RCAN1: variants seen among roughly 807,000 people sequenced by gnomAD.
RCAN1 encodes the protein regulator of calcineurin 1.
In RCAN1, 11 loss-of-function variants were observed where a neutral mutation model predicts 22.9. The observed-to-expected ratio is 0.48, with a 90% CI of 0.30 to 0.79. The LOEUF (loss-of-function observed/expected upper bound fraction) is 0.79, where lower values mean the gene tolerates loss of function less well. Among genes scored for constraint, RCAN1 ranks in the 30% least tolerant of loss-of-function variants. The probability of loss-of-function intolerance (pLI) is 0.06; values close to 1 mark genes in which losing one functional copy is unlikely to be tolerated. For synonymous variants in RCAN1, 136 were observed against 142.3 expected (o/e 0.96, Z 0.32); for missense variants, 291 against 337.8 (o/e 0.86, Z 1.09).
At chr21:34,549,375 G>GCAA (rs1475899767) in intron 1 of RCAN1, among the ~76,000 whole-genome samples, 1 of 152,098 alleles carries the variant, frequency 6.6e-6, no homozygotes, top group South Asian at 2.1e-4. Flanking sequence ...TTCTTTTATA[G>GCAA]CAACGTTCAT....
At chr21:34,540,999 G>T (rs1985889872) in intron 1 of RCAN1, among the ~76,000 whole-genome samples, 3 of 152,014 alleles carry the variant, frequency 2.0e-5, no homozygotes, top group Admixed American at 6.5e-5. Context: ...AGAAAAAAAA[G>T]CTCACAGTGA....
chr21:34,535,977 T>C (rs958920563), intron 1 of RCAN1, among the ~76,000 whole-genome samples: 1 of 151,764 alleles, frequency 6.6e-6, no homozygotes, highest in African/African-American at 2.4e-5. Context: ...TGTGTACAAA[T>C]GTACATCTTA....
chr21:34,553,424 G>T (rs1420440456), intron 1 of RCAN1, among the ~76,000 whole-genome samples: 3 of 152,194 alleles, frequency 2.0e-5, no homozygotes, highest in African/African-American at 7.2e-5. Flanking sequence ...ATCATGGAAA[G>T]TCATGCCACT....
chr21:34,531,951 C>A (rs1985410780), intron 1 of RCAN1, among the ~76,000 whole-genome samples: 1 of 152,086 alleles, frequency 6.6e-6, no homozygotes, highest in African/African-American at 2.4e-5. Context: ...CCCGACAAGG[C>A]AGACTTTATT....
rs537032396 is a variant in RCAN1, at chr21:34,562,279, G to A, written c.253-38569C>T. On this transcript the variant is annotated intron_variant, in intron 1 of 3. Coordinates refer to ENST00000313806, the MANE Select transcript of RCAN1 (RefSeq NM_004414.7). ...GTGACATCTTTTGGTACATTCTTAC[G>A]CTCCTGGAAAATCAAACACTCTATA... is the stretch of plus-strand genomic sequence containing the variant. Among the ~76,000 whole-genome samples the A allele has an allele frequency of 8.6e-4, 131 of 152,258 alleles. 1 individual carries two copies. The highest frequency in any genetic ancestry group is 7.7e-3 in the South Asian group (37 of 4,824).
intron 1 of RCAN1, among the ~76,000 whole-genome samples, chr21:34,537,201 C>A (rs540697506): frequency 3.1e-4 from 47 of 152,286 alleles, no homozygotes; most frequent in African/African-American, 1.0e-3. Flanking sequence ...CTCTGTCCAC[C>A]CAAAGAGAGA....
At chr21:34,543,831 C>G (rs1164655377) in intron 1 of RCAN1, among the ~76,000 whole-genome samples, 1 of 152,220 alleles carries the variant, frequency 6.6e-6, no homozygotes, top group Non-Finnish European at 1.5e-5. Flanking sequence ...GCAGTCCTTA[C>G]TTGCTGGGGG....
At chr21:34,604,148 C>G (rs1226864884) in intron 1 of RCAN1, among the ~76,000 whole-genome samples, 3 of 152,028 alleles carry the variant, frequency 2.0e-5, no homozygotes, top group African/African-American at 7.2e-5. Context: ...CTTCTTTTTT[C>G]TTTTTGAGAC....
At chr21:34,522,329 G>A (rs772994951) in intron 2 of RCAN1, 2 of 152,202 alleles carry the variant, frequency 1.3e-5, no homozygotes, top group South Asian at 2.1e-4. Context: ...CAAGCTGCGC[G>A]GTGTAGGTTT....
rs1002020490 is a variant in RCAN1 at position 34,614,520 on chromosome 21, G to A, written c.252+240C>T. ...CCAGCCTGGGCGCACACGGGGGCCGGGGCGAGCCTGTGGGACTCTGCAGTG... is the reference window on the plus strand; with the variant it reads ...CCAGCCTGGGCGCACACGGGGGCCGAGGCGAGCCTGTGGGACTCTGCAGTG... On this transcript the variant is annotated intron_variant, in intron 1 of 3. Transcript: ENST00000313806. This position sits in a 1 kb window ranked among gnomAD's most constrained non-coding sequence, Gnocchi z 6.0. The A allele has an allele frequency of 9.6e-7, 1 of 1,045,736 alleles. No homozygotes were observed. The highest frequency in any genetic ancestry group is 1.2e-6 in the Non-Finnish European group (1 of 867,270). 64.8% of individuals were successfully genotyped at this position (1,045,736 alleles called of 1,614,324 possible).
chr21:34,558,111 T>G (rs1986649664), intron 1 of RCAN1, among the ~76,000 whole-genome samples: 1 of 152,218 alleles, frequency 6.6e-6, no homozygotes, highest in Admixed American at 6.5e-5. Flanking sequence ...GCGTTACTGA[T>G]AGAAAAGGAT....
chr21:34,554,961 T>C (rs983353376), intron 1 of RCAN1, among the ~76,000 whole-genome samples: 4 of 152,220 alleles, frequency 2.6e-5, no homozygotes, highest in Non-Finnish European at 5.9e-5. Context: ...GCCCCCATGA[T>C]TCAATTATCT....
chr21:34,551,186 GAATGGGTGCATACC>G (rs910919857), intron 1 of RCAN1, among the ~76,000 whole-genome samples: 11 of 152,202 alleles, frequency 7.2e-5, no homozygotes, highest in Non-Finnish European at 1.3e-4. Flanking sequence ...GAAAACATTA[GAATGGGTGCATACC>G]AATAGTAACT....
intron 1 of RCAN1, among the ~76,000 whole-genome samples, chr21:34,562,999 CA>C (rs1268107902): frequency 6.6e-6 from 1 of 152,298 alleles, no homozygotes; most frequent in East Asian, 1.9e-4. Context: ...ACACACAGAA[CA>C]GGGACTCTTC....
At chr21:34,564,553 AG>A (rs1986934996) in intron 1 of RCAN1, among the ~76,000 whole-genome samples, 1 of 152,190 alleles carries the variant, frequency 6.6e-6, no homozygotes, top group Non-Finnish European at 1.5e-5. Context: ...GGTAGCAAGG[AG>A]GGCCAGGCCA....
At position 34,516,596 on chromosome 21, in the gene RCAN1, A is replaced by G. The variant is rs1476167523; in HGVS notation, c.*1488T>C. 1.3e-5 allele frequency: 2 copies of G among 152,232 alleles called. No individual in the cohort carries two copies. Among genetic ancestry groups the G allele is most frequent in the East Asian group, 1.9e-4 (1 of 5,200 alleles). The allele number at this position is 152,232 out of a possible 1,614,324, so 9.4% of individuals were successfully genotyped here. ...CTTAACAAGAAACACTTGGACAGCG[A>G]TGCAATGGTCTCTCCCAAACCGGCT... On this transcript the variant is annotated 3_prime_UTR_variant, in exon 4 of 4. Coordinates refer to ENST00000313806, the MANE Select transcript of RCAN1 (RefSeq NM_004414.7).
intron 3 of RCAN1, among the ~76,000 whole-genome samples, chr21:34,519,898 T>G (rs1258085542): frequency 6.6e-6 from 1 of 152,166 alleles, no homozygotes; most frequent in Non-Finnish European, 1.5e-5. Context: ...AATGTTATTA[T>G]AACTGCACTG....
chr21:34,568,086 G>C (rs146477331), intron 1 of RCAN1, among the ~76,000 whole-genome samples: 127 of 152,236 alleles, frequency 8.3e-4, no homozygotes, highest in African/African-American at 2.8e-3. Context: ...CCTCCTGCTT[G>C]GGACCTCTGC....
chr21:34,534,669 C>A (rs1255794599), intron 1 of RCAN1, among the ~76,000 whole-genome samples: 1 of 152,190 alleles, frequency 6.6e-6, no homozygotes, highest in African/African-American at 2.4e-5. Context: ...GACTGAAGGG[C>A]AGCCTTTGTC....
Sources: allele counts gnomAD v4.1 joint callset (sites outside exome capture counted in the v4.1 genomes callset), GRCh38; gene constraint gnomAD v4.1.1; non-coding constraint Gnocchi (gnomAD v3.1); transcripts MANE v1.5; gene names NCBI Gene and HGNC (gene_info 2026-07-23, HGNC 2026-07-21).